Variants in TRRAP observed in about 807,000 individuals in gnomAD.
TRRAP encodes the protein transformation/transcription domain associated protein.
In TRRAP, 41 loss-of-function variants were observed where a neutral mutation model predicts 438.8. The observed-to-expected ratio is 0.09, with a 90% CI of 0.07 to 0.12. The LOEUF is 0.12. TRRAP is among the 10% of genes least tolerant of loss of function. The pLI, the probability that TRRAP is intolerant of heterozygous loss-of-function variation, is 1.00. For synonymous variants in TRRAP, 1,994 were observed against 1,962.9 expected (o/e 1.02, Z -0.42); for missense variants, 3,122 against 5,055.1 (o/e 0.62, Z 11.60).
At chr7:98,953,657 G>A (rs1791450600) in intron 40 of TRRAP, among the ~76,000 whole-genome samples, 1 of 152,158 alleles carries the variant, frequency 6.6e-6, no homozygotes. Context: ...GAGGGGGTGG[G>A]GAGCGAGTAT....
Position 98,899,770 on chromosome 7 carries a change from G to A in TRRAP, c.800+3G>A, listed in dbSNP as rs1796390195. On this transcript the variant is annotated splice_donor_region_variant and intron_variant, in intron 10 of 72. Transcript: ENST00000456197. ...ATTCAGGTGTCTGCACAAGCGAGGT[G>A]AGGCGTCACTGTAGCCGGCTGCCAC... The A allele has an allele frequency of 6.2e-7, 1 of 1,613,910 alleles. No homozygotes were observed. The highest frequency in any genetic ancestry group is 1.3e-5 in the African/African-American group (1 of 74,920).
chr7:98,900,577 C>A, intron 10 of TRRAP, 47 bp from the exon 11 acceptor site: 1 of 1,490,310 alleles, frequency 6.7e-7, no homozygotes, highest in Non-Finnish European at 9.2e-7. Context: ...TTAATACTAA[C>A]ATCACTCATA....
rs952779355 is a variant in TRRAP, at chr7:98,935,653, A to G, written c.4089A>G (p.Val1363=). 3.1e-6 allele frequency: 5 copies of G among 1,598,434 alleles called. No homozygotes were observed. The Admixed American group carries it at 5.0e-5, about 16-fold the overall frequency. The part of the protein sequence containing the change: ...LPCYKSLPSL[V]PLRIAALNAL... ...GTTATAAAAGCCTTCCGTCACTCGT[A>G]CCTTTACGAATTGCGGCATTAAGTA... The change falls in exon 28 of 73, where the codon GTA becomes GTG. Residue 1363 remains valine, a synonymous_variant. Transcript: ENST00000456197.
rs782690087 is a variant in TRRAP, at chr7:98,956,273, A to G, written c.6065A>G (p.Lys2022Arg). ...GTGGACCTGTCTGAAGTCGTCATCA[A>G]GTGGGAGCTGCAGAGGATCAAGGAC... ...LAVDLSEVVI[K>R]WELQRIKDQQ... The change falls in exon 42 of 73, where the codon AAG becomes AGG. Residue 2022 changes from lysine to arginine, a missense_variant. Coordinates refer to ENST00000456197, the MANE Select transcript of TRRAP (RefSeq NM_001375524.1). This position sits in a 1 kb window ranked among gnomAD's most constrained non-coding sequence, Gnocchi z 4.5. The G allele has an allele frequency of 4.3e-6, 7 of 1,614,248 alleles. No individual in the cohort carries two copies. The highest frequency in any genetic ancestry group is 5.9e-6 in the Non-Finnish European group (7 of 1,180,042).
intron 20 of TRRAP, 132 bp downstream of exon 20, chr7:98,917,811 T>G: frequency 1.6e-6 from 2 of 1,265,774 alleles, no homozygotes; most frequent in African/African-American, 3.0e-5. Context: ...TCTTCGTGAG[T>G]CTTCTGGTGG....
At chr7:98,914,407 T>C (rs1173430207) in intron 18 of TRRAP, among the ~76,000 whole-genome samples, 2 of 152,090 alleles carry the variant, frequency 1.3e-5, no homozygotes, top group Non-Finnish European at 2.9e-5. Flanking sequence ...AAAATACTTA[T>C]TTTTAAATTT....
In TRRAP at chr7:98,948,431, G is replaced by C. The variant is rs970559526; in HGVS notation, c.4668+91G>C. 2 of 1,609,702 alleles carry C rather than the reference G, an allele frequency of 1.2e-6. No homozygotes were observed. Among genetic ancestry groups the C allele is most frequent in the Non-Finnish European group, 1.7e-6 (2 of 1,177,900 alleles). On this transcript the variant is annotated intron_variant, in intron 34 of 72. Transcript: ENST00000456197. The surrounding 1 kb of genome is among the most constrained non-coding windows in gnomAD (Gnocchi z 4.9). ...GATCGTATTTTCAATGGACGGAACA[G>C]CATAAAGACGTTCGATGTCAACATT...
chr7:98,937,760 G>A lies in TRRAP; in HGVS notation c.4344G>A (p.Leu1448=), dbSNP rs1425728749. The change falls in exon 30 of 73, where the codon CTG becomes CTA. Residue 1448 remains leucine, a synonymous_variant. Coordinates refer to ENST00000456197, the MANE Select transcript of TRRAP (RefSeq NM_001375524.1). ...RSLTLNVVNR[L]TSVTRLFPNS... ...TGACGCTGAATGTTGTGAATCGCCT[G>A]ACTTCGGTCACGAGGCTCTTCCCAA... 6.2e-7 allele frequency: 1 copy of A among 1,613,900 alleles called. No individual in the cohort carries two copies. The highest frequency in any genetic ancestry group is 8.5e-7 in the Non-Finnish European group (1 of 1,179,944).
chr7:98,922,610 G>A (rs540894498), intron 21 of TRRAP, among the ~76,000 whole-genome samples: 7 of 152,120 alleles, frequency 4.6e-5, no homozygotes, highest in Non-Finnish European at 8.8e-5. Flanking sequence ...TTCCCCACAT[G>A]GTGGCAGCAT....
intron 6 of TRRAP, 54 bp downstream of exon 6, chr7:98,893,935 C>T (rs1796084482): frequency 1.3e-6 from 2 of 1,566,290 alleles, no homozygotes; most frequent in Non-Finnish European, 1.7e-6. Flanking sequence ...CATGTTCCTT[C>T]TGTGAAATTT....
chr7:98,922,422 G>T (rs1789839700), intron 21 of TRRAP, among the ~76,000 whole-genome samples: 1 of 152,174 alleles, frequency 6.6e-6, no homozygotes, highest in African/African-American at 2.4e-5. Flanking sequence ...TGTGTAAAAA[G>T]CAGACAGTGC....
In TRRAP at chr7:98,956,097, T is replaced by C; in HGVS notation, c.5938-49T>C. ...CACGTGCGCACACGTGCATGCACTG[T>C]GGGACCAAGCTCCCATGTTCCGGCG... is the stretch of plus-strand genomic sequence containing the variant. On this transcript the variant is annotated intron_variant, in intron 41 of 72. Transcript: ENST00000456197. The surrounding 1 kb of genome is among the most constrained non-coding windows in gnomAD (Gnocchi z 4.5). 6.5e-7 allele frequency: 1 copy of C among 1,529,898 alleles called. No homozygotes were observed. The highest frequency in any genetic ancestry group is 1.2e-5 in the South Asian group (1 of 85,942). 94.8% of individuals were successfully genotyped at this position (1,529,898 alleles called of 1,614,324 possible).
At chr7:98,984,602 A>G (rs571215982) in intron 61 of TRRAP, among the ~76,000 whole-genome samples, 1 of 152,350 alleles carries the variant, frequency 6.6e-6, no homozygotes, top group Admixed American at 6.5e-5. Flanking sequence ...TGTTTAAGGA[A>G]AGAAAAAAAT....
In TRRAP at chr7:98,967,058, G is replaced by A. The variant is rs1792190201; in HGVS notation, c.7194G>A (p.Glu2398=). The A allele has an allele frequency of 6.2e-7, 1 of 1,613,700 alleles. No individual in the cohort carries two copies. Among genetic ancestry groups the A allele is most frequent in the Non-Finnish European group, 8.5e-7 (1 of 1,179,892 alleles). ...TCATACAGACACCTACACTCCGGGA[G>A]AAGTCCATTTTGCTTGTGAAGATGA... is the stretch of plus-strand genomic sequence containing the variant. ...MAANQTPTLR[E]KSILLVKMMT... Residue 2398 remains glutamate, a synonymous_variant, in exon 50 of 73, where the codon GAG becomes GAA. Transcript: ENST00000456197.
chr7:98,982,067 C>T (rs765965661), intron 59 of TRRAP, 107 bp downstream of exon 59: 110 of 1,151,916 alleles, frequency 9.5e-5, no homozygotes, highest in Non-Finnish European at 1.2e-4. Context: ...AGATGAAACT[C>T]CTTCTGCTTG....
chr7:98,992,178 G>A lies in TRRAP; in HGVS notation c.9798G>A (p.Arg3266=). 6.2e-7 allele frequency: 1 copy of A among 1,614,180 alleles called. No individual in the cohort carries two copies. Among genetic ancestry groups the A allele is most frequent in the Non-Finnish European group, 8.5e-7 (1 of 1,180,034 alleles). The part of the protein sequence containing the change: ...VYPQAVYFPI[R]TLYLTLKIEQ... ...CCCAAGCGGTCTACTTTCCCATCCG[G>A]ACCCTGTACCTGACCCTGAAAATAG... Residue 3266 remains arginine (R), a synonymous_variant, in exon 65 of 73, where the codon CGG becomes CGA. Transcript: ENST00000456197.
intron 47 of TRRAP, 88 bp downstream of exon 47, chr7:98,962,515 T>C: frequency 6.3e-7 from 1 of 1,598,594 alleles, no homozygotes; most frequent in Non-Finnish European, 8.5e-7. Flanking sequence ...GGGAAAGGGC[T>C]CCGGTTGTTG....
Position 98,908,915 on chromosome 7 carries a change from G to A in TRRAP, c.1303G>A (p.Glu435Lys). 2 of 1,613,926 alleles carry A rather than the reference G, an allele frequency of 1.2e-6. No homozygotes were observed. The highest frequency in any genetic ancestry group is 1.1e-5 in the South Asian group (1 of 90,996). ...NLVDCIRSKS[E>K]QESGNGRDVL... ...GGTGGACTGCATCCGTTCCAAGAGCGAGCAGGAGAGTGGCAATGGGAGAGA... is the reference window on the plus strand; with the variant it reads ...GGTGGACTGCATCCGTTCCAAGAGCAAGCAGGAGAGTGGCAATGGGAGAGA... The change falls in exon 14 of 73, where the codon GAG (glutamate) becomes AAG (lysine). Residue 435 changes from glutamate to lysine, a missense_variant. This residue lies in a region of TRRAP where 343 missense variants were observed against 564.0 expected (regional missense o/e 0.61). Transcript: ENST00000456197. This position sits in a 1 kb window ranked among gnomAD's most constrained non-coding sequence, Gnocchi z 4.1.
intron 65 of TRRAP, among the ~76,000 whole-genome samples, chr7:98,992,869 C>T (rs889892616): frequency 6.6e-6 from 1 of 152,138 alleles, no homozygotes; most frequent in Non-Finnish European, 1.5e-5. Context: ...GGCTGCATGG[C>T]ACATTTCAGC....
Sources: gnomAD v4.1 joint callset for allele counts (sites outside exome capture counted in the v4.1 genomes callset) on GRCh38, gnomAD v4.1.1 for gene constraint, gnomAD v4.1.1 regional missense constraint, Gnocchi (gnomAD v3.1) non-coding constraint, MANE v1.5 for transcripts, NCBI Gene and HGNC (gene_info 2026-07-23, HGNC 2026-07-21) for gene names.